The following DPYD variants were observed in gnomAD, a reference collection of about 807,000 sequenced individuals.
DPYD encodes dihydropyrimidine dehydrogenase [NADP(+)].
A neutral mutation model predicts 116.2 loss-of-function variants in DPYD; 109 were observed. The ratio of observed to expected loss-of-function variants is 0.94; its 90% CI spans 0.80 to 1.10. The LOEUF is 1.10. DPYD is among the 50% of genes least tolerant of loss of function. The pLI is 0.00. For missense variants in DPYD, 1,302 were observed against 1,254.5 expected, an observed-to-expected ratio of 1.04 and a Z score of -0.57; for synonymous variants, 440 against 432.0, an observed-to-expected ratio of 1.02 and a Z score of -0.23.
At chr1:97,083,048 CA>C (rs1394611526) in intron 21 of DPYD, among the ~76,000 whole-genome samples, 1 of 151,990 alleles carries the variant, frequency 6.6e-6, no homozygotes, top group Non-Finnish European at 1.5e-5. Context: ...TAGGTTGATC[CA>C]ATAATTAAGT....
intron 1 of DPYD, among the ~76,000 whole-genome samples, chr1:97,888,415 A>C (rs977197021): frequency 1.3e-5 from 2 of 152,062 alleles, no homozygotes; most frequent in Admixed American, 6.6e-5. Context: ...TTACCTGAAA[A>C]AGAAAAGACA....
At chr1:97,144,242 A>G (rs1654447065) in intron 20 of DPYD, among the ~76,000 whole-genome samples, 1 of 152,230 alleles carries the variant, frequency 6.6e-6, no homozygotes, top group African/African-American at 2.4e-5. Flanking sequence ...CAAAGATAGA[A>G]GAAGAATCTC....
At chr1:97,351,291 G>C (rs1410865321) in intron 16 of DPYD, among the ~76,000 whole-genome samples, 5 of 152,060 alleles carry the variant, frequency 3.3e-5, no homozygotes, top group African/African-American at 1.2e-4. Flanking sequence ...TCTTGCAGGT[G>C]CTTAAAATGA....
At chr1:97,884,723 G>T (rs749358363) in intron 1 of DPYD, among the ~76,000 whole-genome samples, 16 of 151,920 alleles carry the variant, frequency 1.1e-4, no homozygotes, top group Non-Finnish European at 2.2e-4. Flanking sequence ...AACAGTAACT[G>T]CTGCTTTAAG....
intron 6 of DPYD, among the ~76,000 whole-genome samples, chr1:97,693,051 G>A (rs907364877): frequency 1.3e-5 from 2 of 151,912 alleles, no homozygotes; most frequent in Admixed American, 6.6e-5. Flanking sequence ...AGCACTTTGG[G>A]AGGCCGAGGC....
chr1:97,178,468 T>A (rs1055459277), intron 20 of DPYD, among the ~76,000 whole-genome samples: 1 of 151,950 alleles, frequency 6.6e-6, no homozygotes, highest in Non-Finnish European at 1.5e-5. Context: ...AGGCAAGAGA[T>A]GAGTGAAGAG....
At chr1:97,206,130 C>A (rs1004759239) in intron 19 of DPYD, among the ~76,000 whole-genome samples, 1 of 151,650 alleles carries the variant, frequency 6.6e-6, no homozygotes, top group Non-Finnish European at 1.5e-5. Context: ...GCTTCCATGT[C>A]TTCTCCAGAC....
chr1:97,143,979 A>G (rs1247727423), intron 20 of DPYD, among the ~76,000 whole-genome samples: 1 of 152,130 alleles, frequency 6.6e-6, no homozygotes, highest in African/African-American at 2.4e-5. Flanking sequence ...CCTTCCGAAC[A>G]AGGAAATTAT....
chr1:97,722,868 G>A (rs1208747115), intron 4 of DPYD, among the ~76,000 whole-genome samples: 3 of 151,116 alleles, frequency 2.0e-5, no homozygotes, highest in African/African-American at 7.3e-5. Context: ...TCCATTGCTC[G>A]ATCAAAAATT....
At chr1:97,760,239 T>A (rs559284170) in intron 3 of DPYD, among the ~76,000 whole-genome samples, 60 of 152,280 alleles carry the variant, frequency 3.9e-4, no homozygotes, top group African/African-American at 1.4e-3. Context: ...CTAAGAATTT[T>A]GTTGTAAAAC....
intron 20 of DPYD, among the ~76,000 whole-genome samples, chr1:97,132,959 T>A (rs1188528404): frequency 2.0e-5 from 3 of 152,072 alleles, no homozygotes; most frequent in African/African-American, 7.2e-5. Context: ...TACTTGATAT[T>A]TCTTAATATA....
At chr1:97,766,093 T>G (rs1665838749) in intron 3 of DPYD, among the ~76,000 whole-genome samples, 1 of 151,924 alleles carries the variant, frequency 6.6e-6, no homozygotes, top group African/African-American at 2.4e-5. Flanking sequence ...CACAAAAAAT[T>G]AGCCATGCGT....
intron 19 of DPYD, among the ~76,000 whole-genome samples, chr1:97,234,012 CT>C (rs1661745951): frequency 6.6e-6 from 1 of 152,146 alleles, no homozygotes; most frequent in South Asian, 2.1e-4. Flanking sequence ...ACACTCTACC[CT>C]TTTGCCAGAG....
chr1:97,893,179 G>T (rs1404202144), intron 1 of DPYD, among the ~76,000 whole-genome samples: 1 of 151,196 alleles, frequency 6.6e-6, no homozygotes, highest in Non-Finnish European at 1.5e-5. Flanking sequence ...ATATTTTTAA[G>T]TACAGGAATA....
chr1:97,317,836 G>T (rs909825432), intron 16 of DPYD, among the ~76,000 whole-genome samples: 1 of 151,868 alleles, frequency 6.6e-6, no homozygotes, highest in Non-Finnish European at 1.5e-5. Context: ...TACTATTGAG[G>T]CAATTTTAAA....
chr1:97,421,123 G>A (rs1266520217), intron 14 of DPYD, among the ~76,000 whole-genome samples: 1 of 152,050 alleles, frequency 6.6e-6, no homozygotes, highest in Non-Finnish European at 1.5e-5. Flanking sequence ...ACTTGGTAAA[G>A]CCCCTTAATT....
chr1:97,541,409 A>G (rs1482639102), intron 12 of DPYD, among the ~76,000 whole-genome samples: 1 of 152,196 alleles, frequency 6.6e-6, no homozygotes, highest in African/African-American at 2.4e-5. Context: ...ACTGCAGGAC[A>G]AACATAAAAA....
chr1:97,692,796 G>A (rs766064582), intron 6 of DPYD, among the ~76,000 whole-genome samples: 3 of 152,020 alleles, frequency 2.0e-5, no homozygotes, highest in Admixed American at 1.3e-4. Context: ...TCTTTAATGT[G>A]TATATATACA....
At chr1:97,251,692 T>C (rs996514508) in intron 18 of DPYD, among the ~76,000 whole-genome samples, 3 of 152,136 alleles carry the variant, frequency 2.0e-5, no homozygotes, top group Admixed American at 1.3e-4. Context: ...GATAAATCAC[T>C]AGTTACTAAG....
Sources: allele counts gnomAD v4.1 joint callset (sites outside exome capture counted in the v4.1 genomes callset), GRCh38; gene constraint gnomAD v4.1.1; transcripts MANE v1.5; gene names NCBI Gene and HGNC (gene_info 2026-07-23, HGNC 2026-07-21).